ATP8A2: variants seen among roughly 807,000 people sequenced by gnomAD.
ATP8A2 encodes the protein phospholipid-transporting ATPase IB.
ATP8A2 carries 100 observed loss-of-function variants against 165.6 expected under a neutral mutation model. The observed-to-expected ratio is 0.60, with a 90% confidence interval of 0.51 to 0.71. ATP8A2 has a LOEUF of 0.71. Ranked by LOEUF, ATP8A2 falls within the 30% of genes least tolerant of loss-of-function variation. ATP8A2 has a pLI of 0.00. For missense variants in ATP8A2, 1,227 were observed against 1,479.5 expected (o/e 0.83, Z 2.80); for synonymous variants, 543 against 548.8 (o/e 0.99, Z 0.15).
intron 16 of ATP8A2, among the ~76,000 whole-genome samples, chr13:25,568,779 C>T (rs2039387912): frequency 1.3e-5 from 2 of 151,964 alleles, no homozygotes; most frequent in Admixed American, 6.6e-5. Flanking sequence ...GTATAGTTTA[C>T]CACAATACAA....
chr13:25,832,300 A>T (rs1951499162), intron 28 of ATP8A2, among the ~76,000 whole-genome samples: 1 of 152,198 alleles, frequency 6.6e-6, no homozygotes, highest in Non-Finnish European at 1.5e-5. Context: ...TGCTAGGATC[A>T]AATGGATTTC....
intron 24 of ATP8A2, among the ~76,000 whole-genome samples, chr13:25,648,273 G>A (rs953908949): frequency 6.6e-6 from 1 of 152,188 alleles, no homozygotes; most frequent in East Asian, 1.9e-4. Flanking sequence ...ACAAAAAATT[G>A]TTTCCATTTC....
intron 30 of ATP8A2, among the ~76,000 whole-genome samples, chr13:25,845,917 T>G (rs1191438635): frequency 6.6e-6 from 1 of 152,240 alleles, no homozygotes; most frequent in Non-Finnish European, 1.5e-5. Flanking sequence ...GGCTCATGCC[T>G]GTAATCCCAG....
chr13:25,632,810 C>T (rs2041274914), intron 24 of ATP8A2, among the ~76,000 whole-genome samples: 1 of 152,146 alleles, frequency 6.6e-6, no homozygotes, highest in Admixed American at 6.5e-5. Context: ...GTGCCTTTTA[C>T]TCCTCCAGCT....
intron 24 of ATP8A2, among the ~76,000 whole-genome samples, chr13:25,615,881 C>A (rs900644328): frequency 6.6e-6 from 1 of 152,158 alleles, no homozygotes; most frequent in African/African-American, 2.4e-5. Flanking sequence ...TGGGCACTCA[C>A]AGTTTTTTAG....
At chr13:25,636,223 C>G (rs1005599984) in intron 24 of ATP8A2, among the ~76,000 whole-genome samples, 1 of 152,076 alleles carries the variant, frequency 6.6e-6, no homozygotes. Context: ...CAAATACATT[C>G]CCTGTAGCAG....
chr13:25,551,496 G>A lies in ATP8A2; in HGVS notation c.1050G>A (p.Lys350=). The change falls in exon 11 of 37, where the codon AAG becomes AAA. Residue 350 remains lysine (K), a synonymous_variant. Transcript: ENST00000381655. ...ATGGTGAAAAGAACTGGTACATCAA[G>A]AAGATGGGTAAGTGTCGGGGTGGGT... ...RSHGEKNWYI[K]KMDTTSDNFG... The A allele has an allele frequency of 6.2e-7, 1 of 1,602,498 alleles. No individual in the cohort carries two copies. The highest frequency in any genetic ancestry group is 2.2e-5 in the East Asian group (1 of 44,546).
chr13:25,749,725 T>A (rs896840740), intron 25 of ATP8A2, among the ~76,000 whole-genome samples: 1 of 152,128 alleles, frequency 6.6e-6, no homozygotes, highest in Non-Finnish European at 1.5e-5. Context: ...AGCAGCCAAC[T>A]CATGTTCCTT....
intron 35 of ATP8A2, among the ~76,000 whole-genome samples, chr13:25,990,159 A>G (rs935130463): frequency 2.6e-5 from 4 of 151,752 alleles, no homozygotes; most frequent in Admixed American, 6.6e-5. Flanking sequence ...GGCCCAGCCT[A>G]CATTGACTCT....
At chr13:25,827,820 T>G (rs942855606) in intron 27 of ATP8A2, among the ~76,000 whole-genome samples, 1 of 152,250 alleles carries the variant, frequency 6.6e-6, no homozygotes, top group Non-Finnish European at 1.5e-5. Context: ...CTCCAGTCAA[T>G]GAGAAAGTTT....
chr13:25,531,177 ATATATATGT>A (rs1170446384), intron 4 of ATP8A2, among the ~76,000 whole-genome samples: 62 of 91,636 alleles, frequency 6.8e-4, no homozygotes, highest in South Asian at 3.4e-3. Context: ...GTTATATGAT[ATATATATGT>A]TATATATGTT....
chr13:25,709,098 T>C (rs891726536), intron 25 of ATP8A2, among the ~76,000 whole-genome samples: 4 of 152,152 alleles, frequency 2.6e-5, no homozygotes, highest in Admixed American at 2.6e-4. Flanking sequence ...GACAGGCCTG[T>C]AAGTGAGAGA....
At chr13:25,547,026 A>T (rs2038673784) in intron 10 of ATP8A2, among the ~76,000 whole-genome samples, 1 of 152,066 alleles carries the variant, frequency 6.6e-6, no homozygotes, top group African/African-American at 2.4e-5. Flanking sequence ...GCTACTCAGG[A>T]GGCTGAGGCA....
chr13:25,598,716 G>A (rs1027118717), intron 24 of ATP8A2, among the ~76,000 whole-genome samples: 4 of 151,724 alleles, frequency 2.6e-5, no homozygotes, highest in African/African-American at 4.8e-5. Context: ...TCATTTATGG[G>A]TCTGTTTCTA....
rs9553681 is a variant in ATP8A2, at chr13:25,953,973, A to G, written c.3184-7602A>G. ...AGCTGCAGGAGTTTTTTTTTTTCAT[A>G]CCCCAGTGGCACCTGGAATGCCAGC... is the stretch of plus-strand genomic sequence containing the variant. On this transcript the variant is annotated intron_variant, in intron 33 of 36. Transcript: ENST00000381655. This position sits in a 1 kb window ranked among gnomAD's most constrained non-coding sequence, Gnocchi z 6.7. Among the ~76,000 whole-genome samples, 87,305 of 151,018 alleles carry G rather than the reference A, an allele frequency of 0.58. 25,624 individuals carry two copies. The highest frequency in any genetic ancestry group is 0.69 in the African/African-American group (28,385 of 41,158).
chr13:25,654,529 T>G (rs1002949373), intron 24 of ATP8A2, among the ~76,000 whole-genome samples: 2 of 152,070 alleles, frequency 1.3e-5, no homozygotes, highest in African/African-American at 4.8e-5. Flanking sequence ...TTGAAGACAG[T>G]TGTTATGATG....
At chr13:25,469,256 C>G in intron 2 of ATP8A2, 135 bp downstream of exon 2, 1 of 1,101,450 alleles carries the variant, frequency 9.1e-7, no homozygotes, top group Non-Finnish European at 1.3e-6. Flanking sequence ...CCTGCCCCCT[C>G]CCCACCCCAC....
intron 27 of ATP8A2, among the ~76,000 whole-genome samples, chr13:25,801,044 G>A (rs1040907416): frequency 2.0e-5 from 3 of 152,266 alleles, no homozygotes; most frequent in Admixed American, 6.5e-5. Context: ...GAGCTGCTGA[G>A]GTCTGTTTGT....
intron 1 of ATP8A2, among the ~76,000 whole-genome samples, chr13:25,428,193 A>AT (rs959519479): frequency 6.7e-6 from 1 of 149,896 alleles, no homozygotes; most frequent in Non-Finnish European, 1.5e-5. Flanking sequence ...CAAAAAAAAA[A>AT]GTCTGTTAAT....
Sources: gnomAD v4.1 joint callset for allele counts (sites outside exome capture counted in the v4.1 genomes callset) on GRCh38, gnomAD v4.1.1 for gene constraint, Gnocchi (gnomAD v3.1) non-coding constraint, MANE v1.5 for transcripts, NCBI Gene and HGNC (gene_info 2026-07-23, HGNC 2026-07-21) for gene names.